The following TP63 variants were observed in gnomAD, a reference collection of about 807,000 sequenced individuals.
TP63 encodes the protein tumor protein 63.
Under a neutral mutation model 82.8 loss-of-function variants are expected in TP63, and 17 were observed. That is an observed-to-expected ratio of 0.21 (90% CI 0.14 to 0.31). TP63 has a LOEUF of 0.31. Among genes scored for constraint, TP63 ranks in the 10% least tolerant of loss-of-function variants. The pLI is 1.00. For missense variants in TP63, 648 were observed against 895.3 expected (o/e 0.72, Z 3.52); for synonymous variants, 330 against 321.7 (o/e 1.03, Z -0.28).
At chr3:189,822,998 A>G (rs922744194) in intron 4 of TP63, among the ~76,000 whole-genome samples, 9 of 152,180 alleles carry the variant, frequency 5.9e-5, no homozygotes, top group African/African-American at 1.9e-4. Context: ...GAGAGAAACA[A>G]TCAAGCAGCC....
intron 1 of TP63, among the ~76,000 whole-genome samples, chr3:189,664,841 A>G (rs557607448): frequency 1.6e-4 from 25 of 152,136 alleles, no homozygotes; most frequent in African/African-American, 6.0e-4. Context: ...TGTAGATGGT[A>G]GAAAGCTATA....
At chr3:189,765,986 C>T (rs139206994) in intron 3 of TP63, among the ~76,000 whole-genome samples, 3 of 152,202 alleles carry the variant, frequency 2.0e-5, no homozygotes, top group African/African-American at 7.2e-5. Context: ...GCTAGGATTC[C>T]TCTTGTGTCT....
chr3:189,873,231 T>G (rs993959489), intron 10 of TP63: 5 of 596,454 alleles, frequency 8.4e-6, no homozygotes, highest in African/African-American at 1.9e-5. Context: ...CCATTTCTGG[T>G]GAATTACAAA....
the TP63 span, among the ~76,000 whole-genome samples, chr3:189,611,994 C>T: frequency 6.6e-6 from 1 of 152,010 alleles, no homozygotes; most frequent in African/African-American, 2.4e-5. Context: ...TGAGACTTTG[C>T]TGAAGTTGTT....
At chr3:189,710,626 G>T (rs1718523956) in intron 1 of TP63, among the ~76,000 whole-genome samples, 3 of 152,042 alleles carry the variant, frequency 2.0e-5, no homozygotes, top group Admixed American at 2.0e-4. Context: ...GCGTTAAAGT[G>T]CATGACCTAT....
At chr3:189,829,930 CA>C in intron 4 of TP63, 1 of 383,284 alleles carries the variant, frequency 2.6e-6, no homozygotes, top group Non-Finnish European at 5.3e-6. Context: ...ATGTTCCAGA[CA>C]CATCTCATCT....
the TP63 span, among the ~76,000 whole-genome samples, chr3:189,622,368 A>G: frequency 1.3e-5 from 2 of 152,192 alleles, no homozygotes; most frequent in Non-Finnish European, 2.9e-5. Context: ...GTGGTCATAA[A>G]TGTCAGGGAA....
chr3:189,744,417 C>T (rs1042140206), intron 3 of TP63, among the ~76,000 whole-genome samples: 1 of 152,156 alleles, frequency 6.6e-6, no homozygotes, highest in African/African-American at 2.4e-5. Context: ...CCGCACACAC[C>T]AGCAGGGGGC....
intron 3 of TP63, among the ~76,000 whole-genome samples, chr3:189,784,642 A>G (rs73197839): frequency 0.025 from 3,858 of 152,236 alleles, 74 homozygotes; most frequent in Non-Finnish European, 0.04. Flanking sequence ...TACAAATAAA[A>G]AATTAAATCT....
At chr3:189,824,178 G>A (rs1037941148) in intron 4 of TP63, among the ~76,000 whole-genome samples, 29 of 151,856 alleles carry the variant, frequency 1.9e-4, no homozygotes, top group African/African-American at 6.8e-4. Context: ...GGAGCCCAGG[G>A]CCTTTTTGTA....
intron 4 of TP63, among the ~76,000 whole-genome samples, chr3:189,840,190 G>A (rs373475143): frequency 7.9e-5 from 12 of 151,884 alleles, no homozygotes; most frequent in East Asian, 3.9e-4. Context: ...GTATACGTAC[G>A]GGTGGTAAGT....
the TP63 span, among the ~76,000 whole-genome samples, chr3:189,623,849 T>G: frequency 1.5e-5 from 1 of 66,748 alleles, no homozygotes; most frequent in Non-Finnish European, 4.1e-5. Context: ...AGACTCAGTA[T>G]GTATTATGTT....
At chr3:189,630,200 C>T (rs1246786741), upstream of TP63, among the ~76,000 whole-genome samples, 1 of 152,148 alleles carries the variant, frequency 6.6e-6, no homozygotes, top group African/African-American at 2.4e-5. Context: ...ACTTTGACAT[C>T]TACTGATGTC....
intron 3 of TP63, among the ~76,000 whole-genome samples, chr3:189,781,353 A>G (rs928817023): frequency 6.6e-6 from 1 of 152,114 alleles, no homozygotes; most frequent in African/African-American, 2.4e-5. Context: ...TGCATACTGG[A>G]TGGGAGATTC....
chr3:189,748,626 A>G (rs933507355), intron 3 of TP63, among the ~76,000 whole-genome samples: 2 of 151,852 alleles, frequency 1.3e-5, no homozygotes, highest in East Asian at 3.9e-4. Flanking sequence ...AAAGCAATCT[A>G]TAGATTCAAA....
chr3:189,706,802 C>G (rs537128527), intron 1 of TP63, among the ~76,000 whole-genome samples: 1 of 152,188 alleles, frequency 6.6e-6, no homozygotes, highest in South Asian at 2.1e-4. Context: ...ATCACAGAGA[C>G]GACTTGTAAC....
At chr3:189,892,760 C>G (rs547871531) in intron 13 of TP63, among the ~76,000 whole-genome samples, 1 of 152,250 alleles carries the variant, frequency 6.6e-6, no homozygotes, top group African/African-American at 2.4e-5. Flanking sequence ...CCACTGCACT[C>G]CAGCCTGGGT....
chr3:189,745,442 C>G (rs1407373188), intron 3 of TP63, among the ~76,000 whole-genome samples: 2 of 152,116 alleles, frequency 1.3e-5, no homozygotes, highest in Non-Finnish European at 2.9e-5. Flanking sequence ...GGCATGGTGG[C>G]TCATGCCTGT....
At chr3:189,685,021 A>G (rs1258558274) in intron 1 of TP63, among the ~76,000 whole-genome samples, 1 of 152,210 alleles carries the variant, frequency 6.6e-6, no homozygotes, top group African/African-American at 2.4e-5. Context: ...TGAAAGAGCA[A>G]AAGGAAGACT....
Sources: allele counts gnomAD v4.1 joint callset (sites outside exome capture counted in the v4.1 genomes callset), GRCh38; gene constraint gnomAD v4.1.1; transcripts MANE v1.5; gene names NCBI Gene and HGNC (gene_info 2026-07-23, HGNC 2026-07-21).